CYP2J2: variants seen among roughly 807,000 people sequenced by gnomAD.
CYP2J2 encodes cytochrome P450 2J2.
CYP2J2 carries 41 observed loss-of-function variants against 48.8 expected under a neutral mutation model. The ratio of observed to expected loss-of-function variants is 0.84; its 90% confidence interval spans 0.66 to 1.09. The LOEUF is 1.09. CYP2J2 is among the 50% of genes least tolerant of loss of function. The pLI is 0.00. For synonymous variants in CYP2J2, 221 were observed against 227.1 expected (o/e 0.97, Z 0.24); for missense variants, 644 against 617.3 (o/e 1.04, Z -0.46).
At chr1:59,945,365 C>T in the CYP2J2 span, among the ~76,000 whole-genome samples, 1 of 151,906 alleles carries the variant, frequency 6.6e-6, no homozygotes, top group Non-Finnish European at 1.5e-5. Flanking sequence ...ATTTAAAATG[C>T]TATCTTAATC....
rs1488202444 is a variant in CYP2J2 at position 59,898,509 on chromosome 1, G to A, written c.1330+2456C>T. Among the ~76,000 whole-genome samples, 3 of 152,194 alleles carry A rather than the reference G, an allele frequency of 2.0e-5. No homozygotes were observed. The East Asian group carries it at 5.8e-4, about 29-fold the overall frequency. ...CCACATATCTGACTTATAGACTTGT[G>A]AGCAATAATTCATGCTTACTGTTTT... On this transcript the variant is annotated intron_variant, in intron 8 of 8. Coordinates refer to ENST00000371204, the MANE Select transcript of CYP2J2 (RefSeq NM_000775.4).
chr1:59,946,384 A>T, the CYP2J2 span, among the ~76,000 whole-genome samples: 2 of 152,044 alleles, frequency 1.3e-5, no homozygotes, highest in Non-Finnish European at 2.9e-5. Flanking sequence ...CTCAATAAGA[A>T]TTTTTTCTGA....
chr1:59,930,730 T>A (rs1427770040), upstream of CYP2J2, among the ~76,000 whole-genome samples: 2 of 151,560 alleles, frequency 1.3e-5, no homozygotes, highest in Non-Finnish European at 2.9e-5. Flanking sequence ...GATGGTTTAT[T>A]TTTTTTTAAA....
At chr1:59,948,198 C>G in the CYP2J2 span, among the ~76,000 whole-genome samples, 1 of 152,172 alleles carries the variant, frequency 6.6e-6, no homozygotes, top group East Asian at 1.9e-4. Flanking sequence ...ATCTGGCACC[C>G]TTATTTCCCA....
the CYP2J2 span, among the ~76,000 whole-genome samples, chr1:59,944,527 A>C: frequency 6.6e-6 from 1 of 152,168 alleles, no homozygotes; most frequent in Non-Finnish European, 1.5e-5. Flanking sequence ...CTGGCCTAAA[A>C]ATTCTTGAGT....
intron 1 of CYP2J2, among the ~76,000 whole-genome samples, chr1:59,925,595 G>C (rs1644556706): frequency 6.6e-6 from 1 of 152,132 alleles, no homozygotes; most frequent in Admixed American, 6.5e-5. Context: ...AGGTTTGGGG[G>C]CTTAGTTTTA....
At chr1:59,931,036 C>T (rs911313942), upstream of CYP2J2, among the ~76,000 whole-genome samples, 4 of 151,992 alleles carry the variant, frequency 2.6e-5, no homozygotes, top group Non-Finnish European at 4.4e-5. Context: ...CTCCTGTCTT[C>T]GCAACAAGAA....
chr1:59,904,294 C>CAAAT (rs1644346377), intron 7 of CYP2J2: 1 of 152,188 alleles, frequency 6.6e-6, no homozygotes, highest in African/African-American at 2.4e-5. Flanking sequence ...GACTCCATCT[C>CAAAT]AAATAAATAA....
Position 59,904,923 on chromosome 1 carries a change from A to C in CYP2J2, c.1139T>G (p.Val380Gly). The C allele has an allele frequency of 6.2e-7, 1 of 1,613,818 alleles. No homozygotes were observed. Among genetic ancestry groups the C allele is most frequent in the Non-Finnish European group, 8.5e-7 (1 of 1,179,894 alleles). ...QRMGNIIPLN[V>G]PREVTVDTTL... ...GGTATCAACTGTCACTTCCCTGGGAACGTTCAGGGGGATGATGTTGCCCAT... is the reference window on the plus strand; with the variant it reads ...GGTATCAACTGTCACTTCCCTGGGACCGTTCAGGGGGATGATGTTGCCCAT... Residue 380 changes from valine (V) to glycine (G), a missense_variant, in exon 7 of 9, where the codon GTT becomes GGT. Coordinates refer to ENST00000371204, the MANE Select transcript of CYP2J2 (RefSeq NM_000775.4).
chr1:59,913,964 C>A (rs949968779), intron 2 of CYP2J2, among the ~76,000 whole-genome samples: 2 of 152,208 alleles, frequency 1.3e-5, no homozygotes, highest in African/African-American at 2.4e-5. Flanking sequence ...TCCTTTTAAT[C>A]CCCATGCTTG....
intron 1 of CYP2J2, among the ~76,000 whole-genome samples, chr1:59,923,398 A>G (rs1016783477): frequency 2.0e-5 from 3 of 152,244 alleles, no homozygotes; most frequent in African/African-American, 7.2e-5. Context: ...AATATATAAA[A>G]TGTCCAGGAT....
chr1:59,915,979 C>T lies in CYP2J2; in HGVS notation c.332G>A (p.Arg111His), dbSNP rs779509762. 22 of 1,613,762 alleles carry T rather than the reference C, an allele frequency of 1.4e-5. No homozygotes were observed. The highest frequency in any genetic ancestry group is 2.2e-5 in the South Asian group (2 of 91,062). Residue 111 changes from arginine (R) to histidine (H), a missense_variant, in exon 2 of 9, where the codon CGC (arginine) becomes CAC (histidine). Physicochemically the swap from Arg to His is conservative, Grantham distance 29. Coordinates refer to ENST00000371204, the MANE Select transcript of CYP2J2 (RefSeq NM_000775.4). Reference protein sequence around the residue: ...LIHMDQNFGNRPVTPMREHIF... With the variant: ...LIHMDQNFGNHPVTPMREHIF... ...ATGTTCTCGCATAGGGGTCACGGGG[C>T]GGTTCCCAAAGTTTTGGTCCATGTG...
At chr1:59,922,710 T>A (rs1644528802) in intron 1 of CYP2J2, among the ~76,000 whole-genome samples, 1 of 152,190 alleles carries the variant, frequency 6.6e-6, no homozygotes, top group African/African-American at 2.4e-5. Flanking sequence ...CTTCTATTAA[T>A]CATGACACCA....
upstream of CYP2J2, among the ~76,000 whole-genome samples, chr1:59,931,236 T>C (rs184051856): frequency 7.2e-5 from 11 of 152,274 alleles, no homozygotes; most frequent in East Asian, 2.1e-3. Flanking sequence ...AAACTTTAAA[T>C]TCAAAATTGA....
chr1:59,918,491 A>G (rs1644485665), intron 1 of CYP2J2, among the ~76,000 whole-genome samples: 1 of 152,222 alleles, frequency 6.6e-6, no homozygotes, highest in Non-Finnish European at 1.5e-5. Context: ...GGTATTATCA[A>G]CTGTTTAAAC....
the CYP2J2 span, among the ~76,000 whole-genome samples, chr1:59,964,236 T>A: frequency 1.3e-5 from 2 of 152,198 alleles, no homozygotes; most frequent in African/African-American, 4.8e-5. Context: ...TAAGATGCAA[T>A]CACCTTTCTG....
the CYP2J2 span, among the ~76,000 whole-genome samples, chr1:59,944,744 T>A: frequency 6.6e-6 from 1 of 152,168 alleles, no homozygotes. Flanking sequence ...TTCAATTTTA[T>A]TATTTATTAT....
At chr1:59,911,172 A>G (rs191826931) in intron 4 of CYP2J2, among the ~76,000 whole-genome samples, 24 of 152,292 alleles carry the variant, frequency 1.6e-4, no homozygotes, top group Admixed American at 1.0e-3. Context: ...ATGAAATACT[A>G]ATCTGCATTA....
chr1:59,923,799 A>G (rs1439843851), intron 1 of CYP2J2, among the ~76,000 whole-genome samples: 1 of 152,214 alleles, frequency 6.6e-6, no homozygotes, highest in Non-Finnish European at 1.5e-5. Context: ...GAGTTTCAAG[A>G]ACTCGTGGCA....
Sources: allele counts gnomAD v4.1 joint callset (sites outside exome capture counted in the v4.1 genomes callset), GRCh38; gene constraint gnomAD v4.1.1; transcripts MANE v1.5; gene names NCBI Gene and HGNC (gene_info 2026-07-23, HGNC 2026-07-21).